Variants in GAN observed in about 807,000 individuals in gnomAD.
GAN encodes the protein epididymis secretory sperm binding protein.
GAN carries 48 observed loss-of-function variants against 71.3 expected under a neutral mutation model. The ratio of observed to expected loss-of-function variants is 0.67; its 90% confidence interval spans 0.53 to 0.86. The LOEUF (loss-of-function observed/expected upper bound fraction) is 0.86. Among genes scored for constraint, GAN ranks in the 40% least tolerant of loss-of-function variants. The pLI, the probability that GAN is intolerant of heterozygous loss-of-function variation, is 0.00. For missense variants in GAN, 928 were observed against 770.1 expected, an observed-to-expected ratio of 1.21 and a Z score of -2.43; for synonymous variants, 386 against 276.8, an observed-to-expected ratio of 1.39 and a Z score of -3.92.
At chr16:81,340,841 C>G (rs768214837) in intron 1 of GAN, among the ~76,000 whole-genome samples, 1 of 152,040 alleles carries the variant, frequency 6.6e-6, no homozygotes, top group African/African-American at 2.4e-5. Flanking sequence ...TAACAAACTT[C>G]TCCAAGCTAA....
At chr16:81,355,284 T>A (rs1227978659) in intron 3 of GAN, among the ~76,000 whole-genome samples, 2 of 151,744 alleles carry the variant, frequency 1.3e-5, no homozygotes, top group Non-Finnish European at 2.9e-5. Flanking sequence ...GTTCTGGGAG[T>A]GAAGGTCTTA....
At position 81,383,043 on chromosome 16, in the gene GAN, G is replaced by C. The variant is rs1178037228; in HGVS notation, c.*5447G>C. On this transcript the variant is annotated 3_prime_UTR_variant, in exon 11 of 11. Coordinates refer to ENST00000648994, the MANE Select transcript of GAN (RefSeq NM_022041.4). Reference sequence around the variant, plus strand: ...TGCCCAGGCTGATCTTAAACTCCTGGCCTCAGATGTGGAGACCCAGCTGGG... The same window carrying C: ...TGCCCAGGCTGATCTTAAACTCCTGCCCTCAGATGTGGAGACCCAGCTGGG... 1 of 151,656 alleles carries C rather than the reference G, an allele frequency of 6.6e-6. No individual in the cohort carries two copies. Among genetic ancestry groups the C allele is most frequent in the Non-Finnish European group, 1.5e-5 (1 of 67,938 alleles). The allele number at this position is 151,656 out of a possible 1,614,324, so 9.4% of individuals were successfully genotyped here.
intron 1 of GAN, among the ~76,000 whole-genome samples, chr16:81,348,254 C>G (rs895172311): frequency 5.9e-5 from 9 of 152,072 alleles, no homozygotes; most frequent in African/African-American, 1.9e-4. Flanking sequence ...CCATTTTTTG[C>G]TGGCTTATGA....
Position 81,383,647 on chromosome 16 carries a change from T to C in GAN, c.*6051T>C, listed in dbSNP as rs370710896. On this transcript the variant is annotated 3_prime_UTR_variant, in exon 11 of 11. Coordinates refer to ENST00000648994, the MANE Select transcript of GAN (RefSeq NM_022041.4). ...GATTATAAATGTTGATAATAATTTC[T>C]TCCTGGCTCAACAAAGTTGTTGAGC... is the stretch of plus-strand genomic sequence containing the variant. 4.6e-5 allele frequency: 7 copies of C among 152,254 alleles called. No individual in the cohort carries two copies. Among genetic ancestry groups the C allele is most frequent in the African/African-American group, 1.7e-4 (7 of 41,550 alleles). The allele number at this position is 152,254 out of a possible 1,614,324, so 9.4% of individuals were successfully genotyped here.
intron 1 of GAN, among the ~76,000 whole-genome samples, chr16:81,349,017 C>G (rs1009128814): frequency 5.3e-5 from 8 of 152,150 alleles, no homozygotes; most frequent in African/African-American, 1.9e-4. Context: ...TCCAGAGACT[C>G]TCAGTTGTAT....
intron 1 of GAN, among the ~76,000 whole-genome samples, chr16:81,334,280 AAGG>A (rs1909681311): frequency 6.6e-6 from 1 of 152,116 alleles, no homozygotes; most frequent in Non-Finnish European, 1.5e-5. Flanking sequence ...GCTGTCGGGG[AAGG>A]ATAGGACTGT....
chr16:81,367,958 A>G (rs1486526422), intron 9 of GAN, among the ~76,000 whole-genome samples: 1 of 152,228 alleles, frequency 6.6e-6, no homozygotes, highest in Non-Finnish European at 1.5e-5. Context: ...AAAAGATCAG[A>G]CGCAAATGTG....
chr16:81,332,018 G>A (rs186933418), intron 1 of GAN, among the ~76,000 whole-genome samples: 104 of 152,134 alleles, frequency 6.8e-4, no homozygotes, highest in African/African-American at 2.3e-3. Context: ...AAAATTAGCC[G>A]GGCATGGTGG....
rs1904296611 is a variant in GAN, at chr16:81,379,864, G to T, written c.*2268G>T. 6.6e-6 allele frequency: 1 copy of T among 151,282 alleles called. No homozygotes were observed. Among genetic ancestry groups the T allele is most frequent in the Non-Finnish European group, 1.5e-5 (1 of 67,884 alleles). 9.4% of individuals were successfully genotyped at this position (151,282 alleles called of 1,614,324 possible). A position where few individuals can be genotyped will look rare whatever the true frequency, so the allele number is the denominator to read the frequency against. On this transcript the variant is annotated 3_prime_UTR_variant, in exon 11 of 11. Coordinates refer to ENST00000648994, the MANE Select transcript of GAN (RefSeq NM_022041.4). Reference sequence around the variant, plus strand: ...ATTTAGGAGTGAATGTGTTCCTCTTGCAATATTATCAGTACCTGCATGACT... The same window carrying T: ...ATTTAGGAGTGAATGTGTTCCTCTTTCAATATTATCAGTACCTGCATGACT...
At chr16:81,325,246 T>C (rs181724519) in intron 1 of GAN, among the ~76,000 whole-genome samples, 1 of 152,382 alleles carries the variant, frequency 6.6e-6, no homozygotes, top group East Asian at 1.9e-4. Context: ...ATTTTAATTT[T>C]ACAGATACTT....
chr16:81,353,486 A>G (rs914324409), intron 2 of GAN, among the ~76,000 whole-genome samples: 1 of 152,236 alleles, frequency 6.6e-6, no homozygotes, highest in Non-Finnish European at 1.5e-5. Context: ...CTTACTCACC[A>G]TACTACTTTC....
intron 1 of GAN, among the ~76,000 whole-genome samples, chr16:81,337,176 G>C (rs980476634): frequency 3.9e-5 from 6 of 152,142 alleles, no homozygotes; most frequent in African/African-American, 1.2e-4. Flanking sequence ...ACAGGAATGT[G>C]AATTATTAGT....
rs765924001 is a variant in GAN, at chr16:81,363,801, A to G, written c.1094A>G (p.His365Arg). 9.3e-6 allele frequency: 15 copies of G among 1,613,840 alleles called. No individual in the cohort carries two copies. Among genetic ancestry groups the G allele is most frequent in the South Asian group, 2.2e-5 (2 of 91,072 alleles). The change falls in exon 7 of 11, where the codon CAT becomes CGT. Residue 365 changes from histidine to arginine, a missense_variant. His to Arg is a conservative substitution (Grantham distance 29, BLOSUM62 0). Coordinates refer to ENST00000648994, the MANE Select transcript of GAN (RefSeq NM_022041.4). ...TCGCTAATGTAATTTCAGGCAAGAC[A>G]TAACTTCGGAATTGTGGAGATAGAT... ...TALPPMNEARHNFGIVEIDGM... is the reference protein window; with the variant it reads ...TALPPMNEARRNFGIVEIDGM...
intron 5 of GAN, among the ~76,000 whole-genome samples, chr16:81,360,558 A>C (rs527893273): frequency 4.7e-5 from 7 of 149,550 alleles, no homozygotes; most frequent in Non-Finnish European, 7.4e-5. Context: ...TTAATCTGCT[A>C]TTACATTTAT....
rs1904371947 is a variant in GAN, at chr16:81,385,463, C to T, written c.*7867C>T. The stretch of plus-strand genomic sequence containing the variant: ...TTACTACTCTGTGACTTGGGAAGCT[C>T]TTAAGGCTCCCAAGGCTCCGTTTCT... On this transcript the variant is annotated 3_prime_UTR_variant, in exon 11 of 11. Coordinates refer to ENST00000648994, the MANE Select transcript of GAN (RefSeq NM_022041.4). The T allele has an allele frequency of 6.6e-6, 1 of 152,152 alleles. No homozygotes were observed. Among genetic ancestry groups the T allele is most frequent in the East Asian group, 1.9e-4 (1 of 5,198 alleles). 9.4% of individuals were successfully genotyped at this position (152,152 alleles called of 1,614,324 possible).
intron 1 of GAN, among the ~76,000 whole-genome samples, chr16:81,316,411 GC>G (rs1182401824): frequency 6.9e-6 from 1 of 144,340 alleles, no homozygotes; most frequent in Non-Finnish European, 1.5e-5. Context: ...AAATTCAAGT[GC>G]CCTTGTAACT....
intron 1 of GAN, among the ~76,000 whole-genome samples, chr16:81,337,046 C>A (rs999473047): frequency 6.6e-6 from 1 of 152,156 alleles, no homozygotes; most frequent in African/African-American, 2.4e-5. Flanking sequence ...ATTACAGTAT[C>A]ACCCAGAGTA....
At chr16:81,369,953 A>G (rs2150694648) in intron 9 of GAN, among the ~76,000 whole-genome samples, 1 of 152,280 alleles carries the variant, frequency 6.6e-6, no homozygotes, top group Non-Finnish European at 1.5e-5. Flanking sequence ...TCTTTCCCAG[A>G]CGTAATATCC....
chr16:81,368,971 G>A (rs1228701900), intron 9 of GAN, among the ~76,000 whole-genome samples: 2 of 152,114 alleles, frequency 1.3e-5, no homozygotes, highest in Non-Finnish European at 2.9e-5. Context: ...ATGATTTGAG[G>A]TTAAGAAAAA....
Sources: allele counts gnomAD v4.1 joint callset (sites outside exome capture counted in the v4.1 genomes callset), GRCh38; gene constraint gnomAD v4.1.1; transcripts MANE v1.5; gene names NCBI Gene and HGNC (gene_info 2026-07-23, HGNC 2026-07-21).